Variants in SCHIP1 observed in about 807,000 individuals in gnomAD.
SCHIP1 encodes schwannomin interacting protein 1.
In SCHIP1, 8 loss-of-function variants were observed where a neutral mutation model predicts 29.7. That is an observed-to-expected ratio of 0.27 (90% confidence interval 0.16 to 0.49). SCHIP1 has a LOEUF of 0.49. Among genes scored for constraint, SCHIP1 ranks in the 20% least tolerant of loss-of-function variants. The pLI is 0.99. For missense variants in SCHIP1, 193 were observed against 294.6 expected, an observed-to-expected ratio of 0.66 and a Z score of 2.52; for synonymous variants, 76 against 94.9, an observed-to-expected ratio of 0.80 and a Z score of 1.16.
chr3:159,833,064 G>A, the SCHIP1 span, among the ~76,000 whole-genome samples: 2 of 152,300 alleles, frequency 1.3e-5, no homozygotes, highest in South Asian at 2.1e-4. Context: ...TCAGGCATCC[G>A]CTAGGGGTCT....
At chr3:159,382,528 C>T in the SCHIP1 span, among the ~76,000 whole-genome samples, 3 of 151,952 alleles carry the variant, frequency 2.0e-5, no homozygotes, top group Admixed American at 6.6e-5. Flanking sequence ...TTGGGTTGGT[C>T]CCAAGTTTTG....
the SCHIP1 span, among the ~76,000 whole-genome samples, chr3:159,771,280 A>G: frequency 2.0e-5 from 3 of 152,224 alleles, no homozygotes; most frequent in African/African-American, 4.8e-5. Flanking sequence ...TACTTGGGCT[A>G]TGTTTAAATT....
At chr3:159,612,507 G>A in the SCHIP1 span, among the ~76,000 whole-genome samples, 3 of 152,160 alleles carry the variant, frequency 2.0e-5, no homozygotes, top group Admixed American at 6.5e-5. Flanking sequence ...AGCATTTTGC[G>A]AGGCCAAGGA....
the SCHIP1 span, chr3:159,274,513 A>C: frequency 8.2e-6 from 6 of 735,342 alleles, no homozygotes; most frequent in African/African-American, 1.9e-5. Flanking sequence ...TATTGAAAAT[A>C]ATTAGTTTCA....
chr3:159,851,690 T>C (rs1019574182), intron 1 of SCHIP1, among the ~76,000 whole-genome samples: 22 of 152,330 alleles, frequency 1.4e-4, no homozygotes, highest in African/African-American at 5.3e-4. Context: ...CCTTGGTGAA[T>C]TCTCCTGTAT....
rs117213782 is a variant in SCHIP1 at position 159,864,644 on chromosome 3, T to C, written c.31-1519T>C. ...CTTATGGTGTCCAAGGATTAAAAAG[T>C]GTGAGAGAAAAGGAGAGTAGAGATG... On this transcript the variant is annotated intron_variant, in intron 1 of 6. Transcript: ENST00000445224. Among the ~76,000 whole-genome samples, 727 of 152,154 alleles carry C rather than the reference T, an allele frequency of 4.8e-3. 15 individuals are homozygous for C. The highest frequency in any genetic ancestry group is 0.037 in the Admixed American group (563 of 15,272).
chr3:159,342,316 C>A, the SCHIP1 span, among the ~76,000 whole-genome samples: 34 of 152,186 alleles, frequency 2.2e-4, 1 homozygote, highest in Admixed American at 1.9e-3. Context: ...TTTTAAATAT[C>A]CCTGATTTAG....
the SCHIP1 span, among the ~76,000 whole-genome samples, chr3:159,595,028 C>A: frequency 2.0e-5 from 3 of 152,158 alleles, no homozygotes; most frequent in Non-Finnish European, 4.4e-5. Context: ...AGACTGCAAT[C>A]ACCCAGCGAG....
chr3:159,626,153 TATATATATCTAG>T, the SCHIP1 span, among the ~76,000 whole-genome samples: 1 of 110,674 alleles, frequency 9.0e-6, no homozygotes, highest in South Asian at 2.5e-4. Flanking sequence ...TCTAGATATA[TATATATATCTAG>T]ATATATCTAT....
the SCHIP1 span, among the ~76,000 whole-genome samples, chr3:159,693,908 GT>G: frequency 2.0e-5 from 3 of 152,178 alleles, no homozygotes; most frequent in Non-Finnish European, 4.4e-5. Flanking sequence ...GTGTACGTGT[GT>G]CGTGAAGATC....
At chr3:159,329,504 G>A in the SCHIP1 span, among the ~76,000 whole-genome samples, 3 of 152,286 alleles carry the variant, frequency 2.0e-5, no homozygotes, top group Non-Finnish European at 2.9e-5. Context: ...GCTGCCCTGG[G>A]ACTCCCTGGC....
the SCHIP1 span, among the ~76,000 whole-genome samples, chr3:159,550,447 TG>T: frequency 1.3e-5 from 2 of 152,096 alleles, no homozygotes; most frequent in Non-Finnish European, 2.9e-5. Flanking sequence ...GTTCTTTTAA[TG>T]GTATAAAATA....
intron 2 of SCHIP1, among the ~76,000 whole-genome samples, chr3:159,867,338 T>C (rs571719485): frequency 6.6e-6 from 1 of 152,346 alleles, no homozygotes; most frequent in Admixed American, 6.5e-5. Context: ...ATTTCTTCCA[T>C]GTCTGCATGT....
chr3:159,855,352 A>G (rs1157724583), intron 1 of SCHIP1, among the ~76,000 whole-genome samples: 1 of 152,196 alleles, frequency 6.6e-6, no homozygotes, highest in African/African-American at 2.4e-5. Context: ...GAATAAGAAA[A>G]TAGTTACCTA....
the SCHIP1 span, among the ~76,000 whole-genome samples, chr3:159,494,821 C>G: frequency 6.6e-6 from 1 of 152,102 alleles, no homozygotes; most frequent in East Asian, 1.9e-4. Context: ...AATTTTATAC[C>G]AATATCCTTG....
At chr3:159,820,878 G>A in the SCHIP1 span, among the ~76,000 whole-genome samples, 98 of 152,286 alleles carry the variant, frequency 6.4e-4, no homozygotes, top group Non-Finnish European at 1.2e-3. Context: ...ATTGTGTAGT[G>A]TTATACAATA....
chr3:159,433,099 A>G, the SCHIP1 span, among the ~76,000 whole-genome samples: 1 of 152,184 alleles, frequency 6.6e-6, no homozygotes, highest in African/African-American at 2.4e-5. Flanking sequence ...GGAAGAAGGA[A>G]TTAATGAGGC....
At chr3:159,651,912 C>T in the SCHIP1 span, among the ~76,000 whole-genome samples, 9 of 152,060 alleles carry the variant, frequency 5.9e-5, no homozygotes, top group Admixed American at 5.2e-4. Flanking sequence ...CTGGATAACA[C>T]GGTGAAACCG....
chr3:159,402,121 G>T, the SCHIP1 span, among the ~76,000 whole-genome samples: 4 of 152,098 alleles, frequency 2.6e-5, no homozygotes, highest in Admixed American at 6.6e-5. Flanking sequence ...GTGGACGAAG[G>T]ATATGAACAG....
Sources: allele counts gnomAD v4.1 joint callset (sites outside exome capture counted in the v4.1 genomes callset), GRCh38; gene constraint gnomAD v4.1.1; transcripts MANE v1.5; gene names NCBI Gene and HGNC (gene_info 2026-07-23, HGNC 2026-07-21).